The following PRKG1 variants were observed in gnomAD, a reference collection of about 807,000 sequenced individuals.
The protein encoded by PRKG1 is protein kinase cGMP-dependent 1.
In PRKG1, 35 loss-of-function variants were observed where a neutral mutation model predicts 88.1. That is an observed-to-expected ratio of 0.40 (90% CI 0.30 to 0.53). The LOEUF (loss-of-function observed/expected upper bound fraction) is 0.53. PRKG1 is among the 20% of genes least tolerant of loss of function. The pLI is 0.59. For missense variants in PRKG1, 540 were observed against 839.8 expected (o/e 0.64, Z 4.41); for synonymous variants, 303 against 292.5 (o/e 1.04, Z -0.37).
At chr10:51,978,733 G>A (rs1843914765) in intron 5 of PRKG1, among the ~76,000 whole-genome samples, 1 of 151,894 alleles carries the variant, frequency 6.6e-6, no homozygotes. Flanking sequence ...TTGGGGATGG[G>A]ACTGCATTCC....
At chr10:51,564,474 C>T (rs2132155260) in intron 3 of PRKG1, among the ~76,000 whole-genome samples, 1 of 151,990 alleles carries the variant, frequency 6.6e-6, no homozygotes, top group South Asian at 2.1e-4. Context: ...AGGGAGTGAG[C>T]TTTGCAGATA....
At chr10:51,204,101 C>T (rs945002496) in intron 2 of PRKG1, among the ~76,000 whole-genome samples, 2 of 152,140 alleles carry the variant, frequency 1.3e-5, no homozygotes, top group African/African-American at 4.8e-5. Context: ...TTATGTATTT[C>T]ATTTAGGATG....
At chr10:51,113,728 T>TAAA (rs59764267) in intron 1 of PRKG1, among the ~76,000 whole-genome samples, 18,515 of 91,266 alleles carry the variant, frequency 0.2, 1,451 homozygotes, top group Non-Finnish European at 0.25. Context: ...GCATTCTATT[T>TAAA]AAAAAAAAAA....
At chr10:51,496,987 A>G (rs1840877433) in intron 3 of PRKG1, among the ~76,000 whole-genome samples, 1 of 152,216 alleles carries the variant, frequency 6.6e-6, no homozygotes, top group Non-Finnish European at 1.5e-5. Context: ...AATGACTTCA[A>G]TAAGTTAAAT....
chr10:51,427,202 A>C (rs1302827713), intron 2 of PRKG1, among the ~76,000 whole-genome samples: 1 of 152,208 alleles, frequency 6.6e-6, no homozygotes, highest in Non-Finnish European at 1.5e-5. Context: ...AGAGAGATAC[A>C]AAAAGAGAAG....
At chr10:51,605,211 C>T (rs1056965568) in intron 3 of PRKG1, among the ~76,000 whole-genome samples, 2 of 152,158 alleles carry the variant, frequency 1.3e-5, no homozygotes, top group African/African-American at 2.4e-5. Context: ...TCTGTGTCCT[C>T]TTAAGATCTC....
At chr10:51,751,138 G>T (rs964464164) in intron 3 of PRKG1, among the ~76,000 whole-genome samples, 4 of 152,128 alleles carry the variant, frequency 2.6e-5, no homozygotes, top group Non-Finnish European at 5.9e-5. Context: ...CTTCCTCAGG[G>T]ACACTTTCTC....
intron 4 of PRKG1, among the ~76,000 whole-genome samples, chr10:51,882,264 A>G (rs16924496): frequency 0.013 from 1,920 of 152,336 alleles, 51 homozygotes; most frequent in African/African-American, 0.044. Context: ...GAGAAACATT[A>G]TCAGTGACAT....
intron 12 of PRKG1, 69 bp downstream of exon 12, chr10:52,272,550 T>G: frequency 1.9e-6 from 2 of 1,041,090 alleles, no homozygotes; most frequent in Non-Finnish European, 1.5e-6. Context: ...TAAGAAGAGT[T>G]AATATGATAA....
chr10:51,711,607 G>GT lies in PRKG1; in HGVS notation c.593-92976dup, dbSNP rs565093107. 2.4e-3 allele frequency among the ~76,000 whole-genome samples: 359 copies of GT among 152,272 alleles called. 4 individuals carry two copies. Among genetic ancestry groups the GT allele is most frequent in the African/African-American group, 8.4e-3 (348 of 41,550 alleles). On this transcript the variant is annotated intron_variant, in intron 3 of 17. Transcript: ENST00000373980. ...CGAAACTGAAGTTGTCTTGCCTTTA[G>GT]TTCCCTCCTCATGGCTCCAAGGCAA...
chr10:51,883,666 G>A (rs1401096043), intron 4 of PRKG1, among the ~76,000 whole-genome samples: 1 of 152,196 alleles, frequency 6.6e-6, no homozygotes, highest in African/African-American at 2.4e-5. Context: ...TCTCTGAGTT[G>A]TTTTGGAGTT....
intron 3 of PRKG1, chr10:51,699,223 G>A: frequency 1.2e-6 from 2 of 1,614,048 alleles, no homozygotes; most frequent in Non-Finnish European, 1.7e-6. Context: ...AGTCAATAAT[G>A]GGCGCTGCAG....
At chr10:51,247,737 G>A (rs1839330016) in intron 2 of PRKG1, among the ~76,000 whole-genome samples, 1 of 151,888 alleles carries the variant, frequency 6.6e-6, no homozygotes, top group Non-Finnish European at 1.5e-5. Flanking sequence ...CCATATTGCT[G>A]TGTCTTTTCT....
intron 1 of PRKG1, among the ~76,000 whole-genome samples, chr10:51,010,822 C>A (rs898501799): frequency 6.6e-6 from 1 of 152,172 alleles, no homozygotes; most frequent in Non-Finnish European, 1.5e-5. Context: ...AAGTTTTTAA[C>A]AAAATAAAGT....
chr10:51,895,805 T>G (rs2132918660), intron 4 of PRKG1, among the ~76,000 whole-genome samples: 1 of 151,680 alleles, frequency 6.6e-6, no homozygotes, highest in Non-Finnish European at 1.5e-5. Flanking sequence ...GTGTCTGGAG[T>G]CAAATGGAGA....
chr10:51,493,573 G>A (rs1208093331), intron 3 of PRKG1, among the ~76,000 whole-genome samples: 1 of 152,152 alleles, frequency 6.6e-6, no homozygotes, highest in Non-Finnish European at 1.5e-5. Flanking sequence ...TGCTTTGAGA[G>A]AATAAATGAG....
intron 4 of PRKG1, among the ~76,000 whole-genome samples, chr10:51,904,978 A>G (rs981922545): frequency 6.6e-5 from 10 of 152,180 alleles, no homozygotes; most frequent in African/African-American, 2.2e-4. Context: ...AAGCTGGTCT[A>G]AAGAAGGAAG....
At chr10:52,017,323 C>A (rs1397685288) in intron 5 of PRKG1, among the ~76,000 whole-genome samples, 1 of 152,078 alleles carries the variant, frequency 6.6e-6, no homozygotes, top group South Asian at 2.1e-4. Flanking sequence ...ATGGAGAAAT[C>A]AAAATTAATG....
chr10:51,204,142 G>T (rs1837983272), intron 2 of PRKG1, among the ~76,000 whole-genome samples: 1 of 152,054 alleles, frequency 6.6e-6, no homozygotes, highest in South Asian at 2.1e-4. Flanking sequence ...CTTTATAAAG[G>T]ATTGTATTAT....
Sources: gnomAD v4.1 joint callset for allele counts (sites outside exome capture counted in the v4.1 genomes callset) on GRCh38, gnomAD v4.1.1 for gene constraint, MANE v1.5 for transcripts, NCBI Gene and HGNC (gene_info 2026-07-23, HGNC 2026-07-21) for gene names.